The following DACH1 variants were observed in gnomAD, a reference collection of about 807,000 sequenced individuals.
DACH1 encodes the protein dachshund homolog 1.
A neutral mutation model predicts 54.2 loss-of-function variants in DACH1; 12 were observed. The observed-to-expected ratio is 0.22, with a 90% CI of 0.14 to 0.36. DACH1 has a LOEUF of 0.36. DACH1 is among the 10% of genes least tolerant of loss of function. The pLI is 1.00. For missense variants in DACH1, 805 were observed against 929.8 expected, an observed-to-expected ratio of 0.87 and a Z score of 1.75; for synonymous variants, 386 against 366.2, an observed-to-expected ratio of 1.05 and a Z score of -0.62.
intron 1 of DACH1, among the ~76,000 whole-genome samples, chr13:71,721,489 T>A (rs1257273722): frequency 1.3e-5 from 2 of 152,152 alleles, no homozygotes; most frequent in Non-Finnish European, 2.9e-5. Flanking sequence ...CCAAATTCTG[T>A]AATTATCTGA....
intron 1 of DACH1, among the ~76,000 whole-genome samples, chr13:71,732,549 C>T (rs564464385): frequency 1.9e-4 from 29 of 148,808 alleles, no homozygotes; most frequent in Admixed American, 5.4e-4. Flanking sequence ...CACGCCACTG[C>T]ACTCCAGCCT....
chr13:71,477,367 C>G (rs765836351), intron 8 of DACH1, among the ~76,000 whole-genome samples: 1 of 151,478 alleles, frequency 6.6e-6, no homozygotes, highest in Admixed American at 6.6e-5. Context: ...ATGATCCACC[C>G]GTCTCGCCCT....
At chr13:71,736,544 G>A (rs766171703) in intron 1 of DACH1, among the ~76,000 whole-genome samples, 7 of 152,086 alleles carry the variant, frequency 4.6e-5, no homozygotes, top group Middle Eastern at 3.2e-3. Flanking sequence ...AATGGGGCCC[G>A]ATATACTTGA....
At chr13:71,497,338 T>C (rs1424883861) in intron 6 of DACH1, among the ~76,000 whole-genome samples, 1 of 145,598 alleles carries the variant, frequency 6.9e-6, no homozygotes, top group Non-Finnish European at 1.5e-5. Flanking sequence ...GGTTTCTTCC[T>C]TTTTTTTTTT....
At chr13:71,807,531 T>C (rs1000257077) in intron 1 of DACH1, among the ~76,000 whole-genome samples, 2 of 151,746 alleles carry the variant, frequency 1.3e-5, no homozygotes, top group Non-Finnish European at 2.9e-5. Context: ...AAACAGAGTG[T>C]GTGGTTTAAG....
At chr13:71,579,220 T>C (rs1393711043) in intron 3 of DACH1, among the ~76,000 whole-genome samples, 1 of 152,100 alleles carries the variant, frequency 6.6e-6, no homozygotes, top group Non-Finnish European at 1.5e-5. Flanking sequence ...ACTGATGCTA[T>C]TAGTGTTCTT....
intron 1 of DACH1, among the ~76,000 whole-genome samples, chr13:71,754,633 G>A (rs1027764166): frequency 6.6e-6 from 1 of 151,756 alleles, no homozygotes; most frequent in Admixed American, 6.6e-5. Context: ...CCCAGATTTT[G>A]TAATACCCCA....
chr13:71,700,584 A>C, intron 1 of DACH1, among the ~76,000 whole-genome samples: 1 of 109,714 alleles, frequency 9.1e-6, no homozygotes, highest in East Asian at 2.6e-4. Context: ...AAAAAAAAAA[A>C]AGAGAGAGAG....
intron 3 of DACH1, among the ~76,000 whole-genome samples, chr13:71,593,019 C>T (rs138866016): frequency 5.3e-5 from 8 of 151,830 alleles, no homozygotes; most frequent in East Asian, 1.9e-4. Context: ...GATTTTGACA[C>T]GAGAATAAAA....
At chr13:71,511,823 A>G (rs1380101108) in intron 6 of DACH1, among the ~76,000 whole-genome samples, 1 of 151,978 alleles carries the variant, frequency 6.6e-6, no homozygotes. Flanking sequence ...TATTGAAACC[A>G]ATCTTTTGTT....
chr13:71,470,502 C>A (rs1390500506), intron 10 of DACH1, among the ~76,000 whole-genome samples: 2 of 151,864 alleles, frequency 1.3e-5, no homozygotes, highest in African/African-American at 4.8e-5. Context: ...CCATTTCTTA[C>A]ATTTTTAGTG....
intron 2 of DACH1, among the ~76,000 whole-genome samples, chr13:71,634,422 G>A (rs536316193): frequency 9.2e-5 from 14 of 152,088 alleles, no homozygotes; most frequent in Non-Finnish European, 1.8e-4. Flanking sequence ...CTGTGCTCCA[G>A]GTACATAGGC....
At chr13:71,816,319 C>A (rs1396857004) in intron 1 of DACH1, among the ~76,000 whole-genome samples, 2 of 151,822 alleles carry the variant, frequency 1.3e-5, no homozygotes, top group South Asian at 2.1e-4. Context: ...CCCATTTTTG[C>A]CTGGACTCTA....
chr13:71,771,807 C>T (rs1380873144), intron 1 of DACH1, among the ~76,000 whole-genome samples: 3 of 149,964 alleles, frequency 2.0e-5, no homozygotes, highest in South Asian at 2.1e-4. Context: ...CTTTATCTCA[C>T]TAAGAAAAGG....
intron 10 of DACH1, among the ~76,000 whole-genome samples, chr13:71,463,354 A>C (rs9542705): frequency 0.91 from 137,590 of 151,878 alleles, 63,736 homozygotes; most frequent in Non-Finnish European, 1. Context: ...CTAAAGATGA[A>C]TCCTACAGGA....
intron 3 of DACH1, among the ~76,000 whole-genome samples, chr13:71,614,386 CTATT>C (rs1403871428): frequency 6.6e-6 from 1 of 152,040 alleles, no homozygotes; most frequent in Non-Finnish European, 1.5e-5. Flanking sequence ...AACACAGAAA[CTATT>C]TACAGAATCC....
chr13:71,625,835 G>C (rs1227134453), intron 3 of DACH1, among the ~76,000 whole-genome samples: 1 of 151,934 alleles, frequency 6.6e-6, no homozygotes, highest in African/African-American at 2.4e-5. Context: ...AGAAATTACA[G>C]CAGTTAGAAG....
intron 1 of DACH1, among the ~76,000 whole-genome samples, chr13:71,723,711 G>C (rs1883341608): frequency 6.6e-6 from 1 of 150,640 alleles, no homozygotes; most frequent in South Asian, 2.1e-4. Context: ...TGTTTTTTGA[G>C]ACAGAGTCTC....
chr13:71,766,786 A>G (rs1269878541), intron 1 of DACH1, among the ~76,000 whole-genome samples: 2 of 152,236 alleles, frequency 1.3e-5, no homozygotes, highest in East Asian at 3.9e-4. Flanking sequence ...AACAATTTCA[A>G]TACATGAAAT....
Sources: allele counts gnomAD v4.1 joint callset (sites outside exome capture counted in the v4.1 genomes callset), GRCh38; gene constraint gnomAD v4.1.1; transcripts MANE v1.5; gene names NCBI Gene and HGNC (gene_info 2026-07-23, HGNC 2026-07-21).